The following WWP2 variants were observed in gnomAD, a reference collection of about 807,000 sequenced individuals.
WWP2 encodes the protein NEDD4-like E3 ubiquitin-protein ligase WWP2.
WWP2 carries 57 observed loss-of-function variants against 121.0 expected under a neutral mutation model. The ratio of observed to expected loss-of-function variants is 0.47; its 90% CI spans 0.38 to 0.59. WWP2 has a LOEUF of 0.59. WWP2 is among the 20% of genes least tolerant of loss of function. WWP2 has a pLI of 0.00. For synonymous variants in WWP2, 449 were observed against 441.3 expected (o/e 1.02, Z -0.22); for missense variants, 962 against 1,158.9 (o/e 0.83, Z 2.47).
chr16:69,908,930 T>C, intron 9 of WWP2, 80 bp downstream of exon 9: 1 of 1,606,282 alleles, frequency 6.2e-7, no homozygotes, highest in Non-Finnish European at 8.5e-7. Flanking sequence ...ACGGTCCCTT[T>C]CTGCGGAGGT....
chr16:69,786,597 T>C (rs1176653414), intron 1 of WWP2, among the ~76,000 whole-genome samples: 1 of 151,874 alleles, frequency 6.6e-6, no homozygotes, highest in Non-Finnish European at 1.5e-5. Context: ...ATTACAGGCA[T>C]GCAGCACCAT....
chr16:69,832,389 A>G (rs991060829), intron 4 of WWP2, among the ~76,000 whole-genome samples: 4 of 152,078 alleles, frequency 2.6e-5, no homozygotes, highest in Non-Finnish European at 4.4e-5. Context: ...ATTTTAGTGT[A>G]TTTCTCTAAA....
chr16:69,918,318 G>A (rs892738880), intron 10 of WWP2, among the ~76,000 whole-genome samples: 1 of 151,870 alleles, frequency 6.6e-6, no homozygotes, highest in African/African-American at 2.4e-5. Flanking sequence ...ACTGTTTTTT[G>A]TTAGATCTTT....
At chr16:69,909,799 A>G in intron 9 of WWP2, 1 of 718,698 alleles carries the variant, frequency 1.4e-6, no homozygotes, top group Non-Finnish European at 1.7e-6. Context: ...AAATAGATAT[A>G]GAGAGAATAA....
chr16:69,790,134 C>G (rs557025636), intron 2 of WWP2, among the ~76,000 whole-genome samples: 1 of 152,142 alleles, frequency 6.6e-6, no homozygotes, highest in South Asian at 2.1e-4. Context: ...GTAATCCCAG[C>G]TACTTGGGAG....
intron 8 of WWP2, chr16:69,894,981 A>G (rs1473895101): frequency 6.6e-6 from 1 of 152,248 alleles, no homozygotes; most frequent in Non-Finnish European, 1.5e-5. Flanking sequence ...TTTCTCCCGC[A>G]GCCATTGGCT....
chr16:69,937,728 C>A lies in WWP2; in HGVS notation c.2343+76C>A. The A allele has an allele frequency of 1.4e-6, 2 of 1,412,282 alleles. No homozygotes were observed. The highest frequency in any genetic ancestry group is 1.8e-4 in the Middle Eastern group (1 of 5,524). The allele number at this position is 1,412,282 out of a possible 1,614,324, so 87.5% of individuals were successfully genotyped here. ...GGAAACGGGTCCTGAGGAGGCCTCA[C>A]GCGCAAGGACCTTCAGCTTTGGCCC... On this transcript the variant is annotated intron_variant, in intron 21 of 23. Coordinates refer to ENST00000359154, the MANE Select transcript of WWP2 (RefSeq NM_001270454.2). This position sits in a 1 kb window ranked among gnomAD's most constrained non-coding sequence, Gnocchi z 6.6.
rs557025636 is a variant in WWP2, at chr16:69,790,134, C to A, written c.70+3054C>A. Among the ~76,000 whole-genome samples, 3 of 152,142 alleles carry A rather than the reference C, an allele frequency of 2.0e-5. No homozygotes were observed. The South Asian group carries it at 6.2e-4, about 31-fold the overall frequency. On this transcript the variant is annotated intron_variant, in intron 2 of 23. Coordinates refer to ENST00000359154, the MANE Select transcript of WWP2 (RefSeq NM_001270454.2). ...TGGTGGCAGGCGCATGTAATCCCAG[C>A]TACTTGGGAGGCTGAGGCAGGGGAA...
intron 6 of WWP2, among the ~76,000 whole-genome samples, chr16:69,849,484 T>TTCATTCATTCAC (rs2057159828): frequency 6.7e-6 from 1 of 149,804 alleles, no homozygotes; most frequent in African/African-American, 2.5e-5. Context: ...TATTTATTTA[T>TTCATTCATTCAC]TCATTCATTC....
At chr16:69,862,835 C>T (rs2057449733) in intron 6 of WWP2, among the ~76,000 whole-genome samples, 1 of 149,772 alleles carries the variant, frequency 6.7e-6, no homozygotes, top group Admixed American at 6.7e-5. Flanking sequence ...AAATGATTCT[C>T]CCACCTCAGC....
chr16:69,827,537 G>A (rs192496752), intron 4 of WWP2, among the ~76,000 whole-genome samples: 1 of 152,292 alleles, frequency 6.6e-6, no homozygotes, highest in African/African-American at 2.4e-5. Flanking sequence ...TGTATACAAG[G>A]GAATTTTTTT....
At position 69,902,516 on chromosome 16, in the gene WWP2, A is replaced by G. The variant is rs568456298; in HGVS notation, c.915-6245A>G. The stretch of plus-strand genomic sequence containing the variant: ...AAGGCCAAGGAGCAATGTGTTGGGT[A>G]GGGACTGAAAACAAGCTTGGTGCTT... On this transcript the variant is annotated intron_variant, in intron 8 of 23. Transcript: ENST00000359154. Among the ~76,000 whole-genome samples, 36 of 152,328 alleles carry G rather than the reference A, an allele frequency of 2.4e-4. 1 individual carries two copies. In the South Asian group the frequency reaches 7.0e-3, roughly 30 times the overall value.
At chr16:69,825,298 C>T (rs888076402) in intron 4 of WWP2, among the ~76,000 whole-genome samples, 13 of 151,806 alleles carry the variant, frequency 8.6e-5, no homozygotes, top group East Asian at 6.0e-4. Context: ...GTGGCAGGCA[C>T]CTGTAGTCCC....
chr16:69,896,869 C>T (rs1412200427), intron 8 of WWP2, among the ~76,000 whole-genome samples: 1 of 152,016 alleles, frequency 6.6e-6, no homozygotes, highest in African/African-American at 2.4e-5. Flanking sequence ...CCTCATCTTG[C>T]AAGTGAGGAG....
At chr16:69,917,232 T>C (rs1468257220) in intron 9 of WWP2, among the ~76,000 whole-genome samples, 1 of 152,262 alleles carries the variant, frequency 6.6e-6, no homozygotes, top group Non-Finnish European at 1.5e-5. Context: ...CACCAAGGAA[T>C]TGGCTTTTCT....
At chr16:69,775,436 T>C (rs1437827964) in intron 1 of WWP2, among the ~76,000 whole-genome samples, 2 of 152,196 alleles carry the variant, frequency 1.3e-5, no homozygotes, top group African/African-American at 4.8e-5. Context: ...CCATGTCCTG[T>C]CTACTGATGA....
intron 7 of WWP2, among the ~76,000 whole-genome samples, chr16:69,875,716 G>A (rs2151922109): frequency 6.6e-6 from 1 of 152,260 alleles, no homozygotes; most frequent in African/African-American, 2.4e-5. Context: ...GTCTTCTTAT[G>A]AGATTGAAGC....
intron 7 of WWP2, among the ~76,000 whole-genome samples, chr16:69,872,393 T>G (rs2057657680): frequency 6.6e-6 from 1 of 152,034 alleles, no homozygotes; most frequent in Non-Finnish European, 1.5e-5. Context: ...ATTTTTTGTG[T>G]TTTTAGTGGA....
intron 8 of WWP2, among the ~76,000 whole-genome samples, chr16:69,907,541 G>T (rs2058312967): frequency 6.6e-6 from 1 of 152,156 alleles, no homozygotes; most frequent in Non-Finnish European, 1.5e-5. Context: ...ATATCCTTGA[G>T]AAAGTGGTAA....
Sources: gnomAD v4.1 joint callset for allele counts (sites outside exome capture counted in the v4.1 genomes callset) on GRCh38, gnomAD v4.1.1 for gene constraint, Gnocchi (gnomAD v3.1) non-coding constraint, MANE v1.5 for transcripts, NCBI Gene and HGNC (gene_info 2026-07-23, HGNC 2026-07-21) for gene names.